Variants in SHISA9 observed in about 807,000 individuals in gnomAD.
The protein encoded by SHISA9 is protein shisa-9.
SHISA9 carries 13 observed loss-of-function variants against 38.0 expected under a neutral mutation model. The ratio of observed to expected loss-of-function variants is 0.34; its 90% CI spans 0.22 to 0.54. The LOEUF is 0.54. Among genes scored for constraint, SHISA9 ranks in the 20% least tolerant of loss-of-function variants. SHISA9 has a pLI of 0.91. For synonymous variants in SHISA9, 275 were observed against 242.0 expected, an observed-to-expected ratio of 1.14 and a Z score of -1.27; for missense variants, 538 against 575.8, an observed-to-expected ratio of 0.93 and a Z score of 0.67.
chr16:13,004,677 C>G (rs1266521649), intron 2 of SHISA9, among the ~76,000 whole-genome samples: 1 of 151,938 alleles, frequency 6.6e-6, no homozygotes, highest in East Asian at 1.9e-4. Context: ...GTAATCCTAG[C>G]ACTTTGGGAG....
At chr16:13,137,720 C>T (rs1205979090) in intron 2 of SHISA9, among the ~76,000 whole-genome samples, 3 of 152,262 alleles carry the variant, frequency 2.0e-5, no homozygotes, top group South Asian at 4.1e-4. Flanking sequence ...TCCCAAAGTG[C>T]TGGGATTACA....
chr16:13,015,890 CTTTCTT>C (rs1555454826), intron 2 of SHISA9, among the ~76,000 whole-genome samples: 153 of 117,120 alleles, frequency 1.3e-3, no homozygotes, highest in South Asian at 0.011. Context: ...TTCTTTCTTT[CTTTCTT>C]TCTTTCTTTC....
intron 2 of SHISA9, among the ~76,000 whole-genome samples, chr16:13,074,259 C>T (rs536849066): frequency 6.6e-6 from 1 of 152,228 alleles, no homozygotes; most frequent in East Asian, 1.9e-4. Flanking sequence ...CATGAGCCAC[C>T]ATGCCTGGCC....
At chr16:13,558,059 TAAAC>T in the SHISA9 span, among the ~76,000 whole-genome samples, 1 of 152,068 alleles carries the variant, frequency 6.6e-6, no homozygotes, top group South Asian at 2.1e-4. Context: ...CAAAAAAAAT[TAAAC>T]TAAAAGTTGA....
the SHISA9 span, among the ~76,000 whole-genome samples, chr16:13,426,359 A>G: frequency 6.6e-6 from 1 of 152,290 alleles, no homozygotes; most frequent in African/African-American, 2.4e-5. Flanking sequence ...CGGAGCCAGA[A>G]AGTGGTGGAG....
Position 13,085,899 on chromosome 16 carries a change from C to T in SHISA9, c.692-117495C>T, listed in dbSNP as rs923047247. 1.2e-3 allele frequency among the ~76,000 whole-genome samples: 186 copies of T among 151,720 alleles called. 3 individuals are homozygous for T. Among genetic ancestry groups the T allele is most frequent in the Non-Finnish European group, 1.6e-4 (11 of 67,912 alleles). ...GTAGTAATGTCTCAAGAACTTGAAACAAAGGAACCAAATGAAAGAAACAAT... is the reference window on the plus strand; with the variant it reads ...GTAGTAATGTCTCAAGAACTTGAAATAAAGGAACCAAATGAAAGAAACAAT... On this transcript the variant is annotated intron_variant, in intron 2 of 4. Transcript: ENST00000558583.
intron 2 of SHISA9, among the ~76,000 whole-genome samples, chr16:13,028,645 C>G (rs2072954698): frequency 6.6e-6 from 1 of 152,172 alleles, no homozygotes; most frequent in Non-Finnish European, 1.5e-5. Context: ...AGTTGCAATT[C>G]AAGATGAGAT....
At chr16:12,919,187 T>C (rs56259344) in intron 2 of SHISA9, among the ~76,000 whole-genome samples, 63,991 of 152,006 alleles carry the variant, frequency 0.42, 13,635 homozygotes, top group South Asian at 0.52. Context: ...GATAGCAAAG[T>C]AGAAGGGAAG....
chr16:13,461,407 C>A, the SHISA9 span, among the ~76,000 whole-genome samples: 7 of 152,146 alleles, frequency 4.6e-5, no homozygotes, highest in South Asian at 1.2e-3. Flanking sequence ...TGATGAAACT[C>A]TGTCTCTGCT....
chr16:13,199,425 C>G (rs371681550), intron 2 of SHISA9, among the ~76,000 whole-genome samples: 7 of 152,276 alleles, frequency 4.6e-5, no homozygotes, highest in African/African-American at 1.7e-4. Context: ...CTGGGTTTGC[C>G]CCATGGACAG....
the SHISA9 span, among the ~76,000 whole-genome samples, chr16:13,542,675 T>C: frequency 2.0e-5 from 3 of 152,296 alleles, no homozygotes; most frequent in South Asian, 2.1e-4. Flanking sequence ...AAAATGCACA[T>C]GTGTTTCAAT....
the SHISA9 span, among the ~76,000 whole-genome samples, chr16:13,290,598 G>A: frequency 6.6e-6 from 1 of 152,134 alleles, no homozygotes; most frequent in African/African-American, 2.4e-5. Flanking sequence ...AAAATTCACA[G>A]CAAGATAAGC....
At chr16:12,959,213 T>C (rs74788906) in intron 2 of SHISA9, among the ~76,000 whole-genome samples, 1,714 of 152,298 alleles carry the variant, frequency 0.011, 27 homozygotes, top group Non-Finnish European at 0.016. Context: ...TTTACTGGAT[T>C]AATAATGAAC....
intron 2 of SHISA9, among the ~76,000 whole-genome samples, chr16:13,160,987 C>A (rs2050590432): frequency 6.6e-6 from 1 of 152,150 alleles, no homozygotes; most frequent in South Asian, 2.1e-4. Flanking sequence ...TAGCCCCATT[C>A]CCCATGGCAG....
chr16:13,243,981 C>T (rs2051454273), downstream of SHISA9, among the ~76,000 whole-genome samples: 3 of 152,046 alleles, frequency 2.0e-5, no homozygotes, highest in African/African-American at 7.2e-5. Flanking sequence ...CCATGTTGGC[C>T]AGGATGGCCT....
the SHISA9 span, among the ~76,000 whole-genome samples, chr16:13,421,763 T>G: frequency 6.6e-6 from 1 of 152,222 alleles, no homozygotes; most frequent in Non-Finnish European, 1.5e-5. Context: ...ATTAGTCCTC[T>G]TCCCCTTCTT....
the SHISA9 span, among the ~76,000 whole-genome samples, chr16:13,484,353 C>T: frequency 1.2e-4 from 18 of 152,128 alleles, no homozygotes; most frequent in Admixed American, 1.0e-3. Flanking sequence ...CTCCGAGCCT[C>T]GGTTCCCACA....
Position 13,238,136 on chromosome 16 carries a change from T to G in SHISA9, c.*2727T>G, listed in dbSNP as rs531594271. 9 of 152,300 alleles carry G rather than the reference T, an allele frequency of 5.9e-5. No homozygotes were observed. The East Asian group carries it at 7.7e-4, about 13-fold the overall frequency. The allele number at this position is 152,300 out of a possible 1,614,324, so 9.4% of individuals were successfully genotyped here. A position where few individuals can be genotyped will look rare whatever the true frequency, so the allele number is the denominator to read the frequency against. Reference sequence around the variant, plus strand: ...TTCTTTCTCTCTCCATCTCTCTGTTTCTGTTTCTCTCTCTCTCTTAAAATG... The same window carrying G: ...TTCTTTCTCTCTCCATCTCTCTGTTGCTGTTTCTCTCTCTCTCTTAAAATG... On this transcript the variant is annotated 3_prime_UTR_variant, in exon 5 of 5. Coordinates refer to ENST00000558583, the MANE Select transcript of SHISA9 (RefSeq NM_001145204.3).
the SHISA9 span, among the ~76,000 whole-genome samples, chr16:13,543,922 C>T: frequency 6.6e-6 from 1 of 152,272 alleles, no homozygotes; most frequent in Non-Finnish European, 1.5e-5. Flanking sequence ...AACTCTTGCT[C>T]AGAGAATTGC....
Sources: gnomAD v4.1 joint callset for allele counts (sites outside exome capture counted in the v4.1 genomes callset) on GRCh38, gnomAD v4.1.1 for gene constraint, MANE v1.5 for transcripts, NCBI Gene and HGNC (gene_info 2026-07-23, HGNC 2026-07-21) for gene names.